Variants in CREBRF observed in about 807,000 individuals in gnomAD.
The protein encoded by CREBRF is UPF0474 protein C5orf41.
Under a neutral mutation model 66.1 loss-of-function variants are expected in CREBRF, and 5 were observed. The ratio of observed to expected loss-of-function variants is 0.08; its 90% confidence interval spans 0.04 to 0.16. CREBRF has a LOEUF of 0.16. CREBRF is among the 10% of genes least tolerant of loss of function. The pLI is 1.00. For synonymous variants in CREBRF, 229 were observed against 264.4 expected, an observed-to-expected ratio of 0.87 and a Z score of 1.30; for missense variants, 531 against 744.9, an observed-to-expected ratio of 0.71 and a Z score of 3.34.
intron 4 of CREBRF, chr5:173,092,279 A>G (rs1758363774): frequency 6.1e-6 from 6 of 980,920 alleles, no homozygotes; most frequent in Non-Finnish European, 7.3e-6. Flanking sequence ...TTTAATTTAC[A>G]TCGTATTTTC....
intron 3 of CREBRF, among the ~76,000 whole-genome samples, chr5:173,089,661 T>TAAA (rs60450166): frequency 7.3e-6 from 1 of 136,244 alleles, no homozygotes; most frequent in Non-Finnish European, 1.6e-5. Context: ...GTCTCTACTT[T>TAAA]AAAAAAAAAA....
chr5:173,071,378 A>G (rs1005136420), intron 1 of CREBRF, among the ~76,000 whole-genome samples: 2 of 151,500 alleles, frequency 1.3e-5, no homozygotes, highest in African/African-American at 4.8e-5. Context: ...CGCCCAGCTA[A>G]TTTTTCTTTT....
intron 8 of CREBRF, among the ~76,000 whole-genome samples, chr5:173,133,249 G>A (rs1003838909): frequency 4.6e-5 from 7 of 152,168 alleles, no homozygotes; most frequent in African/African-American, 1.7e-4. Context: ...ATGGAACTTG[G>A]TGAGTTTAGA....
chr5:173,087,335 G>C (rs992386218), intron 3 of CREBRF, among the ~76,000 whole-genome samples: 2 of 151,964 alleles, frequency 1.3e-5, no homozygotes, highest in African/African-American at 4.8e-5. Flanking sequence ...TGCCCGCCTC[G>C]GCTTCCCAAA....
chr5:173,089,742 A>C (rs1561803271), intron 3 of CREBRF, among the ~76,000 whole-genome samples: 1 of 152,058 alleles, frequency 6.6e-6, no homozygotes, highest in Non-Finnish European at 1.5e-5. Flanking sequence ...TGTTGTTATA[A>C]GGTCTTGCAA....
intron 2 of CREBRF, among the ~76,000 whole-genome samples, chr5:173,082,908 CAAAAAAAAAAAAAAAAAAA>C (rs70984937): frequency 2.8e-4 from 8 of 29,018 alleles, no homozygotes; most frequent in Middle Eastern, 0.036. Context: ...GACTCTGTCT[CAAAAAAAAAAAAAAAAAAA>C]AAAAAAAAAA....
At chr5:173,072,798 T>C (rs1193687763) in intron 1 of CREBRF, among the ~76,000 whole-genome samples, 3 of 151,892 alleles carry the variant, frequency 2.0e-5, no homozygotes, top group African/African-American at 7.3e-5. Flanking sequence ...ATTAGAATGG[T>C]AAATATAAGA....
chr5:173,109,557 A>T (rs1306995177), intron 5 of CREBRF: 2 of 152,222 alleles, frequency 1.3e-5, no homozygotes, highest in Non-Finnish European at 2.9e-5. Context: ...AGTAGAATTT[A>T]TTCTGCACAA....
intron 8 of CREBRF, among the ~76,000 whole-genome samples, chr5:173,131,040 G>T (rs1470308202): frequency 2.0e-5 from 3 of 152,160 alleles, no homozygotes; most frequent in Admixed American, 6.6e-5. Context: ...TGTAGAGACG[G>T]GTTCTTGCTG....
At chr5:173,088,247 A>G (rs1758221777) in intron 3 of CREBRF, among the ~76,000 whole-genome samples, 1 of 140,654 alleles carries the variant, frequency 7.1e-6, no homozygotes, top group African/African-American at 2.6e-5. Flanking sequence ...TGCTTCATCA[A>G]ATACATTCTT....
At position 173,084,213 on chromosome 5, in the gene CREBRF, A is replaced by G. The variant is rs573935880; in HGVS notation, c.10-2288A>G. On this transcript the variant is annotated intron_variant, in intron 2 of 8. Transcript: ENST00000296953. ...CATGTTTTCTAAACTAGATCTAGGA[A>G]GTGGATCCTTCCTCCTCCCCTTAAG... is the stretch of plus-strand genomic sequence containing the variant. Among the ~76,000 whole-genome samples, 15 of 152,298 alleles carry G rather than the reference A, an allele frequency of 9.8e-5. No homozygotes were observed. In the East Asian group the frequency reaches 2.7e-3, roughly 27 times the overall value.
At chr5:173,072,082 A>AT (rs35119764) in intron 1 of CREBRF, among the ~76,000 whole-genome samples, 1,720 of 152,012 alleles carry the variant, frequency 0.011, 9 homozygotes, top group Non-Finnish European at 0.02. Flanking sequence ...ATTTTCATTA[A>AT]TTTTTAATAA....
chr5:173,097,027 G>T (rs1360700320), intron 4 of CREBRF, among the ~76,000 whole-genome samples: 3 of 152,002 alleles, frequency 2.0e-5, no homozygotes, highest in Non-Finnish European at 2.9e-5. Context: ...GAGGATTTTT[G>T]CATCCATGTC....
chr5:173,066,504 G>A (rs1216874618), intron 1 of CREBRF, among the ~76,000 whole-genome samples: 2 of 151,850 alleles, frequency 1.3e-5, no homozygotes, highest in Non-Finnish European at 2.9e-5. Flanking sequence ...CAGCTTTATT[G>A]AATTATAATT....
intron 4 of CREBRF, among the ~76,000 whole-genome samples, chr5:173,105,152 G>A (rs1429440714): frequency 6.6e-6 from 1 of 152,088 alleles, no homozygotes; most frequent in Non-Finnish European, 1.5e-5. Context: ...GCCCCTTGCA[G>A]AGAGGCAAAG....
chr5:173,117,599 T>TTCCTTCCTTCCTTCCTTCCTTCCCTCCC (rs1759027413), intron 7 of CREBRF, among the ~76,000 whole-genome samples: 2 of 41,970 alleles, frequency 4.8e-5, no homozygotes, highest in Non-Finnish European at 5.3e-5. Context: ...CCTTCCTTCC[T>TTCCTTCCTTCCTTCCTTCCTTCCCTCCC]TCCATCCCTC....
In CREBRF at chr5:173,090,834, A is replaced by G. The variant is rs989109940; in HGVS notation, c.655A>G (p.Met219Val). 1 of 1,614,192 alleles carries G rather than the reference A, an allele frequency of 6.2e-7. No individual in the cohort carries two copies. The highest frequency in any genetic ancestry group is 8.5e-7 in the Non-Finnish European group (1 of 1,180,040). The change falls in exon 4 of 9, where the codon ATG becomes GTG. Residue 219 changes from methionine to valine, a missense_variant. Met to Val is a conservative substitution (Grantham distance 21). Transcript: ENST00000296953. The surrounding 1 kb of genome is among the most constrained non-coding windows in gnomAD (Gnocchi z 4.5). ...CACACAAATCATGGTGAAGACCAAC[A>G]TGTATCATAATGAAAAGGTGAACTT... ...SSTQIMVKTN[M>V]YHNEKVNFHV...
chr5:173,112,244 T>C (rs1758887344), intron 6 of CREBRF, 62 bp from the exon 7 acceptor site: 1 of 1,239,246 alleles, frequency 8.1e-7, no homozygotes, highest in South Asian at 1.4e-5. Flanking sequence ...TCTCCGTAAT[T>C]AAAAATAATA....
intron 2 of CREBRF, among the ~76,000 whole-genome samples, chr5:173,082,179 AATTTTTTGT>A (rs1308577403): frequency 1.3e-5 from 2 of 151,468 alleles, no homozygotes; most frequent in African/African-American, 4.9e-5. Context: ...ACGCCTGGCT[AATTTTTTGT>A]ATTTTTAGTG....
Sources: allele counts gnomAD v4.1 joint callset (sites outside exome capture counted in the v4.1 genomes callset), GRCh38; gene constraint gnomAD v4.1.1; non-coding constraint Gnocchi (gnomAD v3.1); transcripts MANE v1.5; gene names NCBI Gene and HGNC (gene_info 2026-07-23, HGNC 2026-07-21).